The following FCRL5 variants were observed in gnomAD, a reference collection of about 807,000 sequenced individuals.
FCRL5 encodes the protein Fc receptor like 5.
In FCRL5, 79 loss-of-function variants were observed where a neutral mutation model predicts 92.1. That is an observed-to-expected ratio of 0.86 (90% CI 0.72 to 1.03). The LOEUF (loss-of-function observed/expected upper bound fraction) is 1.03, where lower values mean the gene tolerates loss of function less well. Among genes scored for constraint, FCRL5 ranks in the 50% least tolerant of loss-of-function variants. The probability of loss-of-function intolerance (pLI) is 0.00; values close to 1 mark genes in which losing one functional copy is unlikely to be tolerated. For missense variants in FCRL5, 1,160 were observed against 1,181.1 expected (o/e 0.98, Z 0.26); for synonymous variants, 466 against 469.3 (o/e 0.99, Z 0.09).
At position 157,527,630 on chromosome 1, in the gene FCRL5, T is replaced by C; in HGVS notation, c.1947A>G (p.Ser649=). The change falls in exon 9 of 17, where the codon TCA becomes TCG. Residue 649 remains serine, a synonymous_variant. Coordinates refer to ENST00000361835, the MANE Select transcript of FCRL5 (RefSeq NM_031281.3). ...AGGTCAACTTACCTATAACACTGAG[T>C]GATATTGTGTCACTGTGCTGGGCCA... ...GLVAQHSDTI[S]LSVIVPVSRP... The C allele has an allele frequency of 6.2e-7, 1 of 1,608,340 alleles. No homozygotes were observed. The highest frequency in any genetic ancestry group is 8.5e-7 in the Non-Finnish European group (1 of 1,176,994).
At position 157,514,616 on chromosome 1, in the gene FCRL5, A is replaced by T. The variant is rs979752779; in HGVS notation, c.*1059T>A. 1.3e-5 allele frequency: 2 copies of T among 152,332 alleles called. No individual in the cohort carries two copies. Among genetic ancestry groups the T allele is most frequent in the African/African-American group, 2.4e-5 (1 of 41,470 alleles). The allele number at this position is 152,332 out of a possible 1,614,324, so 9.4% of individuals were successfully genotyped here. On this transcript the variant is annotated 3_prime_UTR_variant, in exon 17 of 17. Coordinates refer to ENST00000361835, the MANE Select transcript of FCRL5 (RefSeq NM_031281.3). The stretch of plus-strand genomic sequence containing the variant: ...GCAGTGCAGTCCCAGGGCCAGCAGC[A>T]TCAGCATCCCCTGGGAACATGTTAG...
rs34273689 is a variant in FCRL5, at chr1:157,524,316, C to T, written c.2202G>A (p.Glu734=). ...GTGTCACCATCTCACTGCGCTGGGC[C>T]TCCAGACCATTGTCTGCCTCACAGG... ...IYSCEADNGL[E]AQRSEMVTLK... The change falls in exon 10 of 17, where the codon GAG becomes GAA. Residue 734 remains glutamate, a synonymous_variant. Transcript: ENST00000361835. 0.027 allele frequency: 43,679 copies of T among 1,614,216 alleles called. 3,449 individuals carry two copies. The African/African-American group carries it at 0.28, about 10-fold the overall frequency.
At chr1:157,530,551 A>T (rs1489195746) in intron 8 of FCRL5, among the ~76,000 whole-genome samples, 3 of 152,204 alleles carry the variant, frequency 2.0e-5, no homozygotes, top group Non-Finnish European at 4.4e-5. Flanking sequence ...TTTTCAGTAG[A>T]GACAGGGTTT....
Position 157,527,863 on chromosome 1 carries a change from C to G in FCRL5, c.1714G>C (p.Val572Leu), listed in dbSNP as rs752763796. The change falls in exon 9 of 17, where the codon GTT becomes CTT. Residue 572 changes from valine to leucine, a missense_variant. By Grantham distance (32) the Val-to-Leu change is conservative. Coordinates refer to ENST00000361835, the MANE Select transcript of FCRL5 (RefSeq NM_031281.3). ...PVSRPILTLR[V>L]PRAQAVVGDL... ...CCCACCACAGCCTGGGCCCTGGGAA[C>G]CCTGAGGGTGAGGATGGGGCGAGAC... 6.2e-7 allele frequency: 1 copy of G among 1,604,228 alleles called. No individual in the cohort carries two copies. Among genetic ancestry groups the G allele is most frequent in the South Asian group, 1.1e-5 (1 of 89,406 alleles).
chr1:157,520,366 A>T, intron 12 of FCRL5, 65 bp downstream of exon 12: 1 of 1,161,898 alleles, frequency 8.6e-7, no homozygotes, highest in Non-Finnish European at 1.3e-6. Context: ...AGGCAGCATG[A>T]AGCCCAAGGG....
rs938691459 is a variant in FCRL5, at chr1:157,547,028, G to C, written c.222C>G (p.Ile74Met). ...KEILRETPDN[I>M]LEVQESGEYR... ...ACTCTCCAGATTCCTGAACCTCAAG[G>C]ATATTGTCTGGGGTTTCTCTTAGTA... Residue 74 changes from isoleucine to methionine, a missense_variant, in exon 3 of 17, where the codon ATC becomes ATG. Coordinates refer to ENST00000361835, the MANE Select transcript of FCRL5 (RefSeq NM_031281.3). 4 of 1,614,036 alleles carry C rather than the reference G, an allele frequency of 2.5e-6. No individual in the cohort carries two copies. The African/African-American group carries it at 4.0e-5, about 16-fold the overall frequency.
At chr1:157,541,117 A>G (rs1383800848) in intron 6 of FCRL5, among the ~76,000 whole-genome samples, 1 of 152,166 alleles carries the variant, frequency 6.6e-6, no homozygotes, top group Non-Finnish European at 1.5e-5. Flanking sequence ...CCTTATCCAA[A>G]CCAGCTCCCT....
At position 157,534,644 on chromosome 1, in the gene FCRL5, G is replaced by A. The variant is rs775662679; in HGVS notation, c.1651C>T (p.Arg551Cys). ...CTADNGFGPQ[R>C]SEVVSLFVTV... ...ACAAAAAGGCTCACCACTTCACTGC[G>A]CTGGGGACCAAAGCCATTGTCAGCT... The change falls in exon 8 of 17, where the codon CGC becomes TGC. Residue 551 changes from arginine to cysteine, a missense_variant. Arg to Cys is a radical substitution (Grantham distance 180). Coordinates refer to ENST00000361835, the MANE Select transcript of FCRL5 (RefSeq NM_031281.3). 2.5e-5 allele frequency: 41 copies of A among 1,614,058 alleles called. No homozygotes were observed. The highest frequency in any genetic ancestry group is 3.3e-5 in the South Asian group (3 of 91,074).
At chr1:157,535,224 T>C (rs1252388616) in intron 7 of FCRL5, among the ~76,000 whole-genome samples, 1 of 152,208 alleles carries the variant, frequency 6.6e-6, no homozygotes, top group South Asian at 2.1e-4. Context: ...TCCTCACTTC[T>C]TCCTGCAACC....
rs768209443 is a variant in FCRL5 at position 157,520,999 on chromosome 1, C to T, written c.2515+18G>A. 7 of 1,583,916 alleles carry T rather than the reference C, an allele frequency of 4.4e-6. No individual in the cohort carries two copies. The highest frequency in any genetic ancestry group is 1.9e-4 in the Middle Eastern group (1 of 5,192). On this transcript the variant is annotated intron_variant, in intron 11 of 16. Coordinates refer to ENST00000361835, the MANE Select transcript of FCRL5 (RefSeq NM_031281.3). ...AAACATTTTGTCCGCATCTGTGGCCCGGGCACGGGAAACTTACCTGTGATA... is the reference window on the plus strand; with the variant it reads ...AAACATTTTGTCCGCATCTGTGGCCTGGGCACGGGAAACTTACCTGTGATA...
At chr1:157,550,655 C>T (rs1181771204) in intron 1 of FCRL5, among the ~76,000 whole-genome samples, 2 of 152,192 alleles carry the variant, frequency 1.3e-5, no homozygotes, top group Non-Finnish European at 2.9e-5. Flanking sequence ...CATATATCCT[C>T]CAGGACCTAT....
At chr1:157,522,719 C>T (rs935834691) in intron 10 of FCRL5, 1 of 152,124 alleles carries the variant, frequency 6.6e-6, no homozygotes, top group Admixed American at 6.5e-5. Context: ...TCAGGCTGGG[C>T]AAGAAACCCT....
In FCRL5 at chr1:157,552,335, G is replaced by A; in HGVS notation, c.28C>T (p.Leu10=). The A allele has an allele frequency of 6.2e-7, 1 of 1,614,024 alleles. No individual in the cohort carries two copies. The highest frequency in any genetic ancestry group is 8.5e-7 in the Non-Finnish European group (1 of 1,179,974). The change falls in exon 1 of 17, where the codon CTG becomes TTG. Residue 10 remains leucine (L), a synonymous_variant. Transcript: ENST00000361835. MLLWVILLV[L]APVSGQFART... is the part of the protein sequence containing the mutation. The stretch of plus-strand genomic sequence containing the variant: ...CATGGTGAGCCCTTTTACTCACCCA[G>A]GACCAGTAATATCACCCACAGCAGC...
chr1:157,515,569 GAT>G lies in FCRL5; in HGVS notation c.*104_*105del, dbSNP rs779228520. On this transcript the variant is annotated 3_prime_UTR_variant, in exon 17 of 17. Transcript: ENST00000361835. The stretch of plus-strand genomic sequence containing the variant: ...AGGACATGTGAAACAAAGGCCAGTA[GAT>G]ATGGTCTGGGGCAGCCTAAATCTTC... The G allele has an allele frequency of 6.2e-7, 1 of 1,611,374 alleles. No individual in the cohort carries two copies. The highest frequency in any genetic ancestry group is 1.1e-5 in the South Asian group (1 of 90,418).
intron 2 of FCRL5, 195 bp from the exon 3 acceptor site, chr1:157,547,392 G>A (rs535818499): frequency 1.1e-4 from 84 of 772,146 alleles, no homozygotes; most frequent in South Asian, 8.3e-4. Context: ...CCCAGGGGAT[G>A]GCAATGAGCA....
intron 6 of FCRL5, among the ~76,000 whole-genome samples, chr1:157,540,863 C>T (rs771831350): frequency 4.6e-5 from 7 of 152,086 alleles, no homozygotes; most frequent in Non-Finnish European, 8.8e-5. Context: ...TTGTAAATAT[C>T]GATATATAGA....
intron 1 of FCRL5, 21 bp from the exon 2 acceptor site, chr1:157,549,601 G>C (rs1164065547): frequency 3.7e-6 from 6 of 1,610,962 alleles, no homozygotes; most frequent in Non-Finnish European, 5.1e-6. Context: ...ATAAGAGCCA[G>C]AGATGAGCAC....
At chr1:157,529,091 A>G (rs148052405) in intron 8 of FCRL5, among the ~76,000 whole-genome samples, 2 of 152,368 alleles carry the variant, frequency 1.3e-5, no homozygotes, top group African/African-American at 4.8e-5. Context: ...CAGAATCAAC[A>G]AAGTACTCAA....
At chr1:157,547,309 C>T in intron 2 of FCRL5, 112 bp from the exon 3 acceptor site, 3 of 1,394,550 alleles carry the variant, frequency 2.2e-6, no homozygotes, top group Non-Finnish European at 3.0e-6. Context: ...GAAAGAGGTC[C>T]TCTGGGAGGG....
Sources: allele counts gnomAD v4.1 joint callset (sites outside exome capture counted in the v4.1 genomes callset), GRCh38; gene constraint gnomAD v4.1.1; transcripts MANE v1.5; gene names NCBI Gene and HGNC (gene_info 2026-07-23, HGNC 2026-07-21).